The following RBL1 variants were observed in gnomAD, a reference collection of about 807,000 sequenced individuals.
RBL1 encodes the protein retinoblastoma-like protein 1.
Under a neutral mutation model 123.0 loss-of-function variants are expected in RBL1, and 82 were observed. The ratio of observed to expected loss-of-function variants is 0.67; its 90% CI spans 0.56 to 0.80. RBL1 has a LOEUF of 0.80. RBL1 is among the 30% of genes least tolerant of loss of function. The probability of loss-of-function intolerance (pLI) is 0.00; values close to 1 mark genes in which losing one functional copy is unlikely to be tolerated. For missense variants in RBL1, 1,171 were observed against 1,299.6 expected (o/e 0.90, Z 1.52); for synonymous variants, 405 against 441.3 (o/e 0.92, Z 1.03).
At position 37,067,051 on chromosome 20, in the gene RBL1, A is replaced by T. The variant is rs745766383; in HGVS notation, c.627T>A (p.Ile209=). Residue 209 remains isoleucine, a synonymous_variant, in exon 5 of 22, where the codon ATT becomes ATA. Coordinates refer to ENST00000373664, the MANE Select transcript of RBL1 (RefSeq NM_002895.5). The part of the protein sequence containing the change: ...YHLLLCCLDL[I]FANAIMCPNR... ...TTGGGCACATAATCGCATTGGCAAA[A>T]ATCAGATCCAAGCAGCATAGAAGTA... 9 of 1,611,984 alleles carry T rather than the reference A, an allele frequency of 5.6e-6. No individual in the cohort carries two copies. The Middle Eastern group carries it at 6.6e-4, about 118-fold the overall frequency.
rs1218138644 is a variant in RBL1, at chr20:37,089,030, G to A, written c.249C>T (p.Asn83=). ...PTVGKGIMEG[N]CVSLTRILRS... The stretch of plus-strand genomic sequence containing the variant: ...GTAGTATTCTGGTAAGTGAAACACA[G>A]TTGCCTTCCATGATACCCTTTCCAA... The change falls in exon 2 of 22, where the codon AAC becomes AAT. Residue 83 remains asparagine, a synonymous_variant. Transcript: ENST00000373664. The A allele has an allele frequency of 1.2e-6, 2 of 1,612,208 alleles. No individual in the cohort carries two copies. The highest frequency in any genetic ancestry group is 8.5e-7 in the Non-Finnish European group (1 of 1,179,012).
At chr20:37,035,133 G>A in intron 15 of RBL1, 109 bp downstream of exon 15, 2 of 1,119,902 alleles carry the variant, frequency 1.8e-6, no homozygotes, top group East Asian at 2.6e-5. Context: ...AAAAAGTATA[G>A]GTTCAAGAAA....
At chr20:37,078,884 G>A (rs572854205) in intron 2 of RBL1, among the ~76,000 whole-genome samples, 5 of 151,114 alleles carry the variant, frequency 3.3e-5, no homozygotes, top group South Asian at 2.1e-4. Flanking sequence ...CTTTTTTTGG[G>A]GGGCGGGCAG....
chr20:37,006,645 C>T (rs1398678011), intron 20 of RBL1, among the ~76,000 whole-genome samples: 1 of 150,530 alleles, frequency 6.6e-6, no homozygotes, highest in African/African-American at 2.4e-5. Flanking sequence ...TCAAGACCAG[C>T]CTGGCCAACA....
intron 16 of RBL1, among the ~76,000 whole-genome samples, chr20:37,029,591 T>C (rs1230543874): frequency 1.3e-5 from 2 of 152,136 alleles, no homozygotes; most frequent in Non-Finnish European, 1.5e-5. Flanking sequence ...AATTCCTAGC[T>C]AGAGCAATAA....
At chr20:37,027,860 T>C (rs1345605907) in intron 16 of RBL1, among the ~76,000 whole-genome samples, 2 of 152,160 alleles carry the variant, frequency 1.3e-5, no homozygotes, top group African/African-American at 4.8e-5. Context: ...GCTCATGTTA[T>C]CCTCCCACTT....
intron 19 of RBL1, among the ~76,000 whole-genome samples, chr20:37,012,093 A>G (rs538865698): frequency 6.6e-6 from 1 of 152,270 alleles, no homozygotes; most frequent in South Asian, 2.1e-4. Context: ...TCCAGCTCCT[A>G]ACCGCGAGTG....
chr20:37,001,090 C>G (rs1278038551), intron 21 of RBL1, among the ~76,000 whole-genome samples: 4 of 147,614 alleles, frequency 2.7e-5, no homozygotes, highest in East Asian at 2.1e-4. Context: ...GTCAGCCCCC[C>G]GCCTGGCCAG....
intron 8 of RBL1, 73 bp from the exon 9 acceptor site, chr20:37,061,342 A>G (rs983551289): frequency 2.2e-5 from 33 of 1,504,992 alleles, no homozygotes; most frequent in Admixed American, 4.2e-5. Flanking sequence ...TTCAGTGCAT[A>G]TACCATCTTC....
rs767022294 is a variant in RBL1 at position 37,095,947 on chromosome 20, C to G, written c.-19G>C. ...CGAACATCCCTTCAGGCCCCGCGGGCTGCGCGCCACGGCCCCCGACTTCTT... is the reference window on the plus strand; with the variant it reads ...CGAACATCCCTTCAGGCCCCGCGGGGTGCGCGCCACGGCCCCCGACTTCTT... On this transcript the variant is annotated 5_prime_UTR_variant, in exon 1 of 22. Coordinates refer to ENST00000373664, the MANE Select transcript of RBL1 (RefSeq NM_002895.5). 2.3e-5 allele frequency: 35 copies of G among 1,508,684 alleles called. No homozygotes were observed. Among genetic ancestry groups the G allele is most frequent in the Non-Finnish European group, 8.9e-7 (1 of 1,122,728 alleles). The allele number at this position is 1,508,684 out of a possible 1,614,324, so 93.5% of individuals were successfully genotyped here. A position where few individuals can be genotyped will look rare whatever the true frequency, so the allele number is the denominator to read the frequency against.
rs2065163732 is a variant in RBL1, at chr20:37,065,470, A to G, written c.850T>C (p.Leu284=). 1.3e-6 allele frequency: 2 copies of G among 1,592,200 alleles called. No individual in the cohort carries two copies. The highest frequency in any genetic ancestry group is 2.7e-5 in the African/African-American group (2 of 74,352). The change falls in exon 7 of 22, where the codon TTA becomes CTA. Residue 284 remains leucine (L), a synonymous_variant. Coordinates refer to ENST00000373664, the MANE Select transcript of RBL1 (RefSeq NM_002895.5). ...AGGTCCAGGAGGCATTCTCCTTTTA[A>G]TATCTGTGAACAAAAAATTATTTTG... is the stretch of plus-strand genomic sequence containing the variant. ...YISKLFDRKI[L]KGECLLDLSS...
intron 13 of RBL1, among the ~76,000 whole-genome samples, chr20:37,043,184 AC>A (rs1378160141): frequency 2.0e-5 from 3 of 151,422 alleles, no homozygotes; most frequent in Non-Finnish European, 2.9e-5. Context: ...ACACACACAC[AC>A]AATTAGCCGG....
intron 9 of RBL1, among the ~76,000 whole-genome samples, chr20:37,056,597 C>A (rs1414593309): frequency 6.6e-6 from 1 of 152,096 alleles, no homozygotes. Flanking sequence ...TTGTGATCCA[C>A]CCACCTCAGC....
intron 2 of RBL1, among the ~76,000 whole-genome samples, chr20:37,070,286 G>A (rs1341660982): frequency 6.6e-6 from 1 of 152,234 alleles, no homozygotes; most frequent in South Asian, 2.1e-4. Context: ...CTCCTTAAGA[G>A]TCATCACCAC....
At chr20:37,001,430 G>C (rs571100917) in intron 21 of RBL1, among the ~76,000 whole-genome samples, 17 of 150,846 alleles carry the variant, frequency 1.1e-4, no homozygotes, top group African/African-American at 3.2e-4. Flanking sequence ...AAATTCTTCT[G>C]CCTTGGGATC....
intron 17 of RBL1, among the ~76,000 whole-genome samples, chr20:37,021,101 G>A (rs554134692): frequency 8.1e-4 from 123 of 152,230 alleles, no homozygotes; most frequent in African/African-American, 2.9e-3. Context: ...AACCACATAC[G>A]AAGGATTAAA....
At chr20:37,007,739 C>T (rs1180666819) in intron 19 of RBL1, among the ~76,000 whole-genome samples, 180 bp from the exon 20 acceptor site, 2 of 152,078 alleles carry the variant, frequency 1.3e-5, no homozygotes, top group Admixed American at 6.6e-5. Flanking sequence ...ACCACAGGCA[C>T]GTGCCACCAT....
At chr20:37,081,282 T>TA (rs1395667218) in intron 2 of RBL1, among the ~76,000 whole-genome samples, 1 of 152,166 alleles carries the variant, frequency 6.6e-6, no homozygotes, top group African/African-American at 2.4e-5. Context: ...ATGACCCAAA[T>TA]ACATGATTGT....
chr20:37,093,861 G>A, intron 1 of RBL1, among the ~76,000 whole-genome samples: 1 of 151,898 alleles, frequency 6.6e-6, no homozygotes, highest in Non-Finnish European at 1.5e-5. Flanking sequence ...GGCTGGTCTT[G>A]GACCCCTGAC....
Sources: gnomAD v4.1 joint callset for allele counts (sites outside exome capture counted in the v4.1 genomes callset) on GRCh38, gnomAD v4.1.1 for gene constraint, MANE v1.5 for transcripts, NCBI Gene and HGNC (gene_info 2026-07-23, HGNC 2026-07-21) for gene names.